The following ULK4 variants were observed in gnomAD, a reference collection of about 807,000 sequenced individuals.
ULK4 encodes the protein unc-51 like kinase 4, also known as inactive serine/threonine-protein kinase ULK4.
ULK4 carries 133 observed loss-of-function variants against 160.6 expected under a neutral mutation model. The ratio of observed to expected loss-of-function variants is 0.83; its 90% confidence interval spans 0.72 to 0.96. The LOEUF is 0.96. ULK4 is among the 40% of genes least tolerant of loss of function. The pLI, the probability that ULK4 is intolerant of heterozygous loss-of-function variation, is 0.00. For missense variants in ULK4, 1,580 were observed against 1,499.5 expected, an observed-to-expected ratio of 1.05 and a Z score of -0.89; for synonymous variants, 534 against 539.8, an observed-to-expected ratio of 0.99 and a Z score of 0.15.
chr3:41,560,223 T>C (rs943639311), intron 32 of ULK4, among the ~76,000 whole-genome samples: 23 of 152,194 alleles, frequency 1.5e-4, no homozygotes, highest in African/African-American at 5.5e-4. Flanking sequence ...TTGGTCTATA[T>C]ATCTGATTTG....
At chr3:41,951,747 C>T (rs1444596019) in intron 2 of ULK4, among the ~76,000 whole-genome samples, 1 of 152,174 alleles carries the variant, frequency 6.6e-6, no homozygotes, top group African/African-American at 2.4e-5. Context: ...GGAGGTGGAA[C>T]CTTTAGGAGG....
chr3:41,614,635 C>A lies in ULK4; in HGVS notation c.3120+1034G>T, dbSNP rs74629009. Among the ~76,000 whole-genome samples the A allele has an allele frequency of 3.6e-3, 547 of 152,322 alleles. 4 individuals are homozygous for A. The highest frequency in any genetic ancestry group is 5.1e-3 in the Non-Finnish European group (346 of 68,022). Reference sequence around the variant, plus strand: ...GGCAGCTGTCATCTTGTCACCTGAACATGCTTTGGGAATAGTACCCATTCC... The same window carrying A: ...GGCAGCTGTCATCTTGTCACCTGAAAATGCTTTGGGAATAGTACCCATTCC... On this transcript the variant is annotated intron_variant, in intron 31 of 36. Transcript: ENST00000301831.
rs60281588 is a variant in ULK4 at position 41,657,818 on chromosome 3, T to TAAAAA, written c.3071+5784_3071+5788dup. 9.0e-4 allele frequency among the ~76,000 whole-genome samples: 90 copies of TAAAAA among 99,728 alleles called. 10 individuals are homozygous for TAAAAA. Among genetic ancestry groups the TAAAAA allele is most frequent in the African/African-American group, 5.8e-3 (87 of 14,978 alleles). The allele number at this position is 99,728 out of a possible 152,430, so 65.4% of individuals were successfully genotyped here. On this transcript the variant is annotated intron_variant, in intron 30 of 36. Transcript: ENST00000301831. ...GTGACAAAGCGAGACTCCATCTCAT[T>TAAAAA]AAAAAAAAAAAAAAAAACACACACC...
chr3:41,819,565 C>T (rs2041078511), intron 18 of ULK4, 59 bp from the exon 19 acceptor site: 3 of 1,496,086 alleles, frequency 2.0e-6, no homozygotes, highest in South Asian at 2.3e-5. Flanking sequence ...GATATTAACC[C>T]ATTCAAGCAA....
At chr3:41,749,862 C>G (rs2038554268) in intron 22 of ULK4, among the ~76,000 whole-genome samples, 1 of 152,114 alleles carries the variant, frequency 6.6e-6, no homozygotes, top group African/African-American at 2.4e-5. Flanking sequence ...TGAGTGCCTG[C>G]TTCTCAAGGC....
At chr3:41,795,148 C>T (rs2040266188) in intron 20 of ULK4, among the ~76,000 whole-genome samples, 3 of 152,174 alleles carry the variant, frequency 2.0e-5, no homozygotes, top group Admixed American at 2.0e-4. Context: ...AGAGAGGAGG[C>T]AATTGTCATT....
chr3:41,462,939 G>T, intron 33 of ULK4, 148 bp downstream of exon 33: 1 of 975,382 alleles, frequency 1.0e-6, no homozygotes, highest in Non-Finnish European at 1.4e-6. Flanking sequence ...GTCACCCAAA[G>T]ATGACTCTTC....
At chr3:41,855,722 C>T (rs959539792) in intron 17 of ULK4, among the ~76,000 whole-genome samples, 22 of 152,162 alleles carry the variant, frequency 1.4e-4, no homozygotes, top group African/African-American at 5.1e-4. Context: ...CATTTTTCTG[C>T]TTCAGGGATC....
chr3:41,519,948 C>T (rs1323061780), intron 32 of ULK4, among the ~76,000 whole-genome samples: 1 of 152,142 alleles, frequency 6.6e-6, no homozygotes, highest in Admixed American at 6.5e-5. Flanking sequence ...CTCAATCAAG[C>T]ACTACATTAC....
chr3:41,530,984 G>A (rs550381966), intron 32 of ULK4, among the ~76,000 whole-genome samples: 8 of 151,190 alleles, frequency 5.3e-5, no homozygotes, highest in African/African-American at 1.5e-4. Flanking sequence ...AGATGGTCTC[G>A]ATCTCTTGAC....
intron 35 of ULK4, among the ~76,000 whole-genome samples, chr3:41,268,969 T>C (rs1200341177): frequency 6.6e-6 from 1 of 152,088 alleles, no homozygotes; most frequent in Non-Finnish European, 1.5e-5. Context: ...AGCTGCTCCC[T>C]GGACCAAGCG....
At chr3:41,761,430 A>C (rs930362095) in intron 21 of ULK4, among the ~76,000 whole-genome samples, 1 of 149,952 alleles carries the variant, frequency 6.7e-6, no homozygotes, top group African/African-American at 2.4e-5. Flanking sequence ...TACCATTCAC[A>C]ACAATGTATA....
At chr3:41,823,275 T>A (rs2041210535) in intron 18 of ULK4, among the ~76,000 whole-genome samples, 1 of 151,938 alleles carries the variant, frequency 6.6e-6, no homozygotes, top group African/African-American at 2.4e-5. Flanking sequence ...CATGGCATAG[T>A]GGGTTTAAGG....
intron 34 of ULK4, among the ~76,000 whole-genome samples, chr3:41,447,837 T>A (rs1359705364): frequency 6.6e-6 from 1 of 152,070 alleles, no homozygotes; most frequent in African/African-American, 2.4e-5. Context: ...GGCTGCCCAA[T>A]GAATGTCAGG....
chr3:41,641,802 T>C (rs1417335103), intron 30 of ULK4, among the ~76,000 whole-genome samples: 1 of 150,352 alleles, frequency 6.7e-6, no homozygotes, highest in East Asian at 1.9e-4. Context: ...AGAAGAGTAA[T>C]TGTTTCCTAA....
intron 35 of ULK4, among the ~76,000 whole-genome samples, chr3:41,336,323 A>C (rs2080554342): frequency 6.6e-6 from 1 of 152,232 alleles, no homozygotes; most frequent in Admixed American, 6.5e-5. Flanking sequence ...ATCAGTTTAA[A>C]GCTTATAAGG....
chr3:41,805,245 A>G (rs1403124455), intron 19 of ULK4, among the ~76,000 whole-genome samples: 3 of 152,172 alleles, frequency 2.0e-5, no homozygotes, highest in Admixed American at 6.5e-5. Context: ...CTTTGAAGCA[A>G]TTGTGAATGG....
At chr3:41,532,020 CGGTCTAATCTATACAAGTTA>C in intron 32 of ULK4, among the ~76,000 whole-genome samples, 1 of 152,042 alleles carries the variant, frequency 6.6e-6, no homozygotes, top group East Asian at 1.9e-4. Flanking sequence ...CCCAAACCAC[CGGTCTAATCTATACAAGTTA>C]GCCAACCAAG....
intron 35 of ULK4, among the ~76,000 whole-genome samples, chr3:41,317,558 G>C (rs1463857325): frequency 1.3e-5 from 2 of 152,084 alleles, no homozygotes; most frequent in Non-Finnish European, 2.9e-5. Context: ...AAACTTCTAT[G>C]AAAGAAGAGG....
Sources: allele counts gnomAD v4.1 joint callset (sites outside exome capture counted in the v4.1 genomes callset), GRCh38; gene constraint gnomAD v4.1.1; transcripts MANE v1.5; gene names NCBI Gene and HGNC (gene_info 2026-07-23, HGNC 2026-07-21).